The following TASP1 variants were observed in gnomAD, a reference collection of about 807,000 sequenced individuals.
TASP1 encodes the protein threonine aspartase 1.
TASP1 carries 16 observed loss-of-function variants against 56.6 expected under a neutral mutation model. The observed-to-expected ratio is 0.28, with a 90% CI of 0.19 to 0.43. The LOEUF (loss-of-function observed/expected upper bound fraction) is 0.43, where lower values mean the gene tolerates loss of function less well. Ranked by LOEUF, TASP1 falls within the 20% of genes least tolerant of loss-of-function variation. TASP1 has a pLI of 1.00. For missense variants in TASP1, 393 were observed against 511.6 expected (o/e 0.77, Z 2.24); for synonymous variants, 179 against 184.2 (o/e 0.97, Z 0.23).
intron 12 of TASP1, among the ~76,000 whole-genome samples, chr20:13,418,598 G>A (rs187253184): frequency 8.2e-4 from 125 of 152,350 alleles, no homozygotes; most frequent in African/African-American, 2.9e-3. Flanking sequence ...GCTAAAACTA[G>A]TAGGTGGAAA....
At chr20:13,221,668 G>GCGGGAGCCGAC in the TASP1 span, 1 of 982,192 alleles carries the variant, frequency 1.0e-6, no homozygotes, top group Non-Finnish European at 1.3e-6. Context: ...CGGGAGCCGA[G>GCGGGAGCCGAC]GCGGGAGCCG....
chr20:13,348,787 T>C, the TASP1 span, among the ~76,000 whole-genome samples: 3 of 152,218 alleles, frequency 2.0e-5, no homozygotes, highest in Admixed American at 6.5e-5. Flanking sequence ...CTTCCTGTTA[T>C]GTTGCCAGAT....
intron 10 of TASP1, among the ~76,000 whole-genome samples, chr20:13,513,172 C>T (rs1390273687): frequency 1.3e-5 from 2 of 151,986 alleles, no homozygotes; most frequent in African/African-American, 4.8e-5. Context: ...AGTCATTTTG[C>T]CAATCAGAAT....
the TASP1 span, among the ~76,000 whole-genome samples, chr20:13,127,335 C>A: frequency 6.6e-6 from 1 of 152,222 alleles, no homozygotes; most frequent in African/African-American, 2.4e-5. Flanking sequence ...GATTCTACCA[C>A]ATGTCACACA....
At chr20:13,393,396 G>T in intron 13 of TASP1, 1 of 747,338 alleles carries the variant, frequency 1.3e-6, no homozygotes, top group Non-Finnish European at 2.4e-6. Flanking sequence ...CAATGTGTCA[G>T]TTATGGACCT....
intron 11 of TASP1, among the ~76,000 whole-genome samples, chr20:13,452,019 G>T (rs2043639442): frequency 6.6e-6 from 1 of 152,040 alleles, no homozygotes; most frequent in Non-Finnish European, 1.5e-5. Flanking sequence ...GTTAGTGGAG[G>T]AATCAGAGCA....
chr20:13,229,795 T>G, the TASP1 span, among the ~76,000 whole-genome samples: 1 of 152,194 alleles, frequency 6.6e-6, no homozygotes, highest in South Asian at 2.1e-4. Flanking sequence ...TGCTTCACTT[T>G]CAATTGGTTG....
chr20:13,359,020 C>G, the TASP1 span, among the ~76,000 whole-genome samples: 7 of 142,806 alleles, frequency 4.9e-5, no homozygotes. Context: ...TCTCCTTCAC[C>G]CTTAGCGGCA....
At chr20:13,164,060 C>G in the TASP1 span, among the ~76,000 whole-genome samples, 2 of 152,224 alleles carry the variant, frequency 1.3e-5, no homozygotes, top group African/African-American at 4.8e-5. Flanking sequence ...CCCACTCCCC[C>G]CATCCCACAA....
chr20:13,547,977 C>T (rs1672275988), intron 8 of TASP1, among the ~76,000 whole-genome samples: 1 of 151,906 alleles, frequency 6.6e-6, no homozygotes, highest in South Asian at 2.1e-4. Flanking sequence ...TGGAGCAGCA[C>T]AATAGCTTAA....
At chr20:13,591,206 C>T (rs6109967) in intron 4 of TASP1, among the ~76,000 whole-genome samples, 4,321 of 152,056 alleles carry the variant, frequency 0.028, 219 homozygotes, top group African/African-American at 0.096. Context: ...CAAAAATTAT[C>T]CAAACTTAAT....
chr20:13,287,533 T>C, the TASP1 span, among the ~76,000 whole-genome samples: 1 of 152,230 alleles, frequency 6.6e-6, no homozygotes, highest in African/African-American at 2.4e-5. Flanking sequence ...TTTCCTGGCC[T>C]ACTTTTCCTT....
intron 11 of TASP1, among the ~76,000 whole-genome samples, chr20:13,471,230 G>A (rs1476235512): frequency 6.6e-6 from 1 of 152,124 alleles, no homozygotes. Context: ...TGACATGTGA[G>A]CAGATCTGGC....
chr20:13,359,240 G>A, the TASP1 span, among the ~76,000 whole-genome samples: 15 of 147,430 alleles, frequency 1.0e-4, no homozygotes, highest in East Asian at 3.9e-4. Flanking sequence ...CTTGCTACAC[G>A]TGCCGGAAAT....
intron 12 of TASP1, among the ~76,000 whole-genome samples, chr20:13,419,627 CATCT>C (rs750170561): frequency 1.2e-4 from 19 of 152,298 alleles, no homozygotes; most frequent in Admixed American, 2.6e-4. Context: ...CCAGGCCATC[CATCT>C]GTTTATATCT....
the TASP1 span, among the ~76,000 whole-genome samples, chr20:13,303,771 A>C: frequency 1.3e-5 from 2 of 152,242 alleles, no homozygotes; most frequent in Non-Finnish European, 2.9e-5. Context: ...GTACAAATCA[A>C]AGTCCCTCCT....
the TASP1 span, among the ~76,000 whole-genome samples, chr20:13,352,194 A>T: frequency 6.6e-6 from 1 of 152,328 alleles, no homozygotes; most frequent in East Asian, 1.9e-4. Flanking sequence ...TCAAGCCTGT[A>T]ATCTCAGCAC....
At chr20:13,478,916 T>C (rs2043037517) in intron 11 of TASP1, among the ~76,000 whole-genome samples, 1 of 152,108 alleles carries the variant, frequency 6.6e-6, no homozygotes, top group Non-Finnish European at 1.5e-5. Context: ...TCTCTTTCAG[T>C]AGAGGAATGA....
chr20:13,274,714 G>C, the TASP1 span, among the ~76,000 whole-genome samples: 2 of 145,630 alleles, frequency 1.4e-5, no homozygotes, highest in Admixed American at 1.4e-4. Context: ...TTTCAGGATA[G>C]GAAATCCTTC....
Sources: gnomAD v4.1 joint callset for allele counts (sites outside exome capture counted in the v4.1 genomes callset) on GRCh38, gnomAD v4.1.1 for gene constraint, MANE v1.5 for transcripts, NCBI Gene and HGNC (gene_info 2026-07-23, HGNC 2026-07-21) for gene names.